The following ATP9B variants were observed in gnomAD, a reference collection of about 807,000 sequenced individuals.
ATP9B encodes ATPase phospholipid transporting 9B.
A neutral mutation model predicts 146.1 loss-of-function variants in ATP9B; 110 were observed. The ratio of observed to expected loss-of-function variants is 0.75; its 90% confidence interval spans 0.65 to 0.88. The LOEUF is 0.88. Ranked by LOEUF, ATP9B falls within the 40% of genes least tolerant of loss-of-function variation. The probability of loss-of-function intolerance (pLI) is 0.00; values close to 1 mark genes in which losing one functional copy is unlikely to be tolerated. For missense variants in ATP9B, 1,499 were observed against 1,496.4 expected (o/e 1.00, Z -0.03); for synonymous variants, 604 against 569.7 (o/e 1.06, Z -0.86).
chr18:79,150,705 A>G (rs555485772), intron 6 of ATP9B, among the ~76,000 whole-genome samples: 10 of 152,348 alleles, frequency 6.6e-5, no homozygotes, highest in African/African-American at 2.4e-4. Context: ...AAATACTTTT[A>G]AAGGCCGGGC....
chr18:79,176,049 G>C (rs1437023895), intron 7 of ATP9B, among the ~76,000 whole-genome samples: 1 of 152,140 alleles, frequency 6.6e-6, no homozygotes, highest in Non-Finnish European at 1.5e-5. Context: ...ATCTTTCCAT[G>C]ACAGTGTATT....
At chr18:79,368,053 G>A (rs1441797957) in intron 26 of ATP9B, among the ~76,000 whole-genome samples, 2 of 152,164 alleles carry the variant, frequency 1.3e-5, no homozygotes, top group Non-Finnish European at 2.9e-5. Context: ...ATGGAGTGTC[G>A]CCCTGGGTGG....
At chr18:79,179,742 A>C (rs2095227675) in intron 8 of ATP9B, among the ~76,000 whole-genome samples, 1 of 152,186 alleles carries the variant, frequency 6.6e-6, no homozygotes, top group South Asian at 2.1e-4. Context: ...ATTCCATGTA[A>C]GCTTTAAAAT....
intron 7 of ATP9B, among the ~76,000 whole-genome samples, chr18:79,170,303 A>C (rs540600369): frequency 6.6e-6 from 1 of 152,338 alleles, no homozygotes; most frequent in South Asian, 2.1e-4. Context: ...AGTGATAAAC[A>C]GGATGGGGAA....
At chr18:79,367,122 T>C (rs2097035625) in intron 26 of ATP9B, among the ~76,000 whole-genome samples, 1 of 120,898 alleles carries the variant, frequency 8.3e-6, no homozygotes, top group East Asian at 2.7e-4. Context: ...AGCACACATA[T>C]CTTCACCTCC....
intron 2 of ATP9B, among the ~76,000 whole-genome samples, chr18:79,109,352 A>G (rs1327319142): frequency 2.6e-5 from 4 of 152,184 alleles, no homozygotes; most frequent in Non-Finnish European, 4.4e-5. Flanking sequence ...TAGAAACTCT[A>G]TACTGTCTAC....
At chr18:79,298,736 A>T (rs1484448306) in intron 13 of ATP9B, among the ~76,000 whole-genome samples, 2 of 146,634 alleles carry the variant, frequency 1.4e-5, no homozygotes, top group Non-Finnish European at 3.0e-5. Flanking sequence ...TTCAATGGAT[A>T]CAGAACCTAG....
intron 14 of ATP9B, among the ~76,000 whole-genome samples, chr18:79,306,428 CG>C (rs1568630341): frequency 6.6e-6 from 1 of 152,134 alleles, no homozygotes; most frequent in East Asian, 1.9e-4. Flanking sequence ...AGATATGACA[CG>C]GGGCCATTTT....
At position 79,132,986 on chromosome 18, in the gene ATP9B, T is replaced by G. The variant is rs570424005; in HGVS notation, c.667+6611T>G. 4.6e-5 allele frequency among the ~76,000 whole-genome samples: 7 copies of G among 152,370 alleles called. 1 individual carries two copies. The South Asian group carries it at 1.5e-3, about 32-fold the overall frequency. ...TGTGTTTTATTTTCTGATAACTTTT[T>G]TGGGTGTAGGAATTTTCTATGTATG... On this transcript the variant is annotated intron_variant, in intron 5 of 29. Coordinates refer to ENST00000426216, the MANE Select transcript of ATP9B (RefSeq NM_198531.5).
intron 25 of ATP9B, chr18:79,354,204 C>T (rs1347684963): frequency 6.6e-6 from 1 of 152,126 alleles, no homozygotes; most frequent in African/African-American, 2.4e-5. Flanking sequence ...TGGTTCTCTG[C>T]CACGGGGTAA....
At chr18:79,292,280 T>G (rs2096512652) in intron 13 of ATP9B, among the ~76,000 whole-genome samples, 1 of 152,186 alleles carries the variant, frequency 6.6e-6, no homozygotes, top group African/African-American at 2.4e-5. Context: ...TCTCTGTATG[T>G]GTGACATGGT....
In ATP9B at chr18:79,309,617, G is replaced by C. The variant is rs371701503; in HGVS notation, c.1773+2383G>C. On this transcript the variant is annotated intron_variant, in intron 15 of 29. Transcript: ENST00000426216. ...CAGGTAGAAGGTCAGGGGCTGAGGA[G>C]TGATCCCCAGCAGGTAGAAGGTCAG... Among the ~76,000 whole-genome samples, 320 of 70,840 alleles carry C rather than the reference G, an allele frequency of 4.5e-3. 2 individuals are homozygous for C. The highest frequency in any genetic ancestry group is 8.9e-3 in the African/African-American group (177 of 19,840). The allele number at this position is 70,840 out of a possible 152,430, so 46.5% of individuals were successfully genotyped here.
intron 1 of ATP9B, among the ~76,000 whole-genome samples, chr18:79,072,536 C>A (rs1213772009): frequency 6.6e-6 from 1 of 152,018 alleles, no homozygotes; most frequent in African/African-American, 2.4e-5. Flanking sequence ...AATGGAGTCT[C>A]CTATGTCTAC....
At chr18:79,253,349 G>A in intron 11 of ATP9B, 32 bp from the exon 12 acceptor site, 1 of 1,585,778 alleles carries the variant, frequency 6.3e-7, no homozygotes, top group South Asian at 1.2e-5. Context: ...ATTGTGGTTA[G>A]CTTGTTCATG....
intron 5 of ATP9B, among the ~76,000 whole-genome samples, chr18:79,142,431 A>G (rs1462872085): frequency 6.6e-6 from 1 of 152,192 alleles, no homozygotes; most frequent in Non-Finnish European, 1.5e-5. Context: ...ATTACAGAGA[A>G]TGTGAAAAAA....
At chr18:79,231,571 C>T (rs2095791855) in intron 11 of ATP9B, among the ~76,000 whole-genome samples, 1 of 151,976 alleles carries the variant, frequency 6.6e-6, no homozygotes, top group South Asian at 2.1e-4. Context: ...CTATGGAAAA[C>T]AGTGTGGAGA....
chr18:79,350,982 G>A (rs2096919527), intron 25 of ATP9B, among the ~76,000 whole-genome samples: 1 of 151,994 alleles, frequency 6.6e-6, no homozygotes, highest in Admixed American at 6.6e-5. Flanking sequence ...TGTTGACCAG[G>A]GTGGTCTCGA....
chr18:79,102,225 T>C (rs1028449597), intron 2 of ATP9B, among the ~76,000 whole-genome samples: 11 of 152,194 alleles, frequency 7.2e-5, no homozygotes, highest in African/African-American at 2.7e-4. Flanking sequence ...TGTTTTTAAT[T>C]TTGGTGAGGT....
intron 24 of ATP9B, 33 bp from the exon 25 acceptor site, chr18:79,348,099 A>C (rs777286465): frequency 6.2e-7 from 1 of 1,612,830 alleles, no homozygotes; most frequent in Admixed American, 1.7e-5. Flanking sequence ...CGTGGAACTG[A>C]CAGTTGTCTT....
Sources: allele counts gnomAD v4.1 joint callset (sites outside exome capture counted in the v4.1 genomes callset), GRCh38; gene constraint gnomAD v4.1.1; transcripts MANE v1.5; gene names NCBI Gene and HGNC (gene_info 2026-07-23, HGNC 2026-07-21).